The following DNAI1 variants were observed in gnomAD, a reference collection of about 807,000 sequenced individuals.
The protein encoded by DNAI1 is dynein axonemal intermediate chain 1.
Under a neutral mutation model 92.0 loss-of-function variants are expected in DNAI1, and 67 were observed. The ratio of observed to expected loss-of-function variants is 0.73; its 90% CI spans 0.60 to 0.89. DNAI1 has a LOEUF of 0.89. DNAI1 is among the 40% of genes least tolerant of loss of function. The pLI, the probability that DNAI1 is intolerant of heterozygous loss-of-function variation, is 0.00. For missense variants in DNAI1, 839 were observed against 866.6 expected (o/e 0.97, Z 0.40); for synonymous variants, 323 against 319.6 (o/e 1.01, Z -0.11).
intron 15 of DNAI1, among the ~76,000 whole-genome samples, 200 bp from the exon 16 acceptor site, chr9:34,512,912 T>C (rs1357696817): frequency 6.6e-6 from 1 of 152,202 alleles, no homozygotes; most frequent in East Asian, 1.9e-4. Flanking sequence ...GAATCCTAAC[T>C]GCCTGGGACA....
intron 1 of DNAI1, among the ~76,000 whole-genome samples, chr9:34,480,450 G>C (rs1331446424): frequency 1.3e-5 from 2 of 151,562 alleles, no homozygotes; most frequent in African/African-American, 2.4e-5. Context: ...GCTAATTTTT[G>C]TATTTTTAGT....
intron 8 of DNAI1, among the ~76,000 whole-genome samples, 200 bp downstream of exon 8, chr9:34,491,754 T>C (rs766693897): frequency 5.3e-5 from 8 of 152,194 alleles, no homozygotes; most frequent in Non-Finnish European, 1.2e-4. Flanking sequence ...TCCAGTGAGC[T>C]GTGGGCCAGC....
chr9:34,514,534 C>T lies in DNAI1; in HGVS notation c.1710C>T (p.His570=), dbSNP rs746472041. The T allele has an allele frequency of 1.2e-6, 2 of 1,614,138 alleles. No individual in the cohort carries two copies. Among genetic ancestry groups the T allele is most frequent in the African/African-American group, 2.7e-5 (2 of 74,948 alleles). Residue 570 remains histidine, a synonymous_variant, in exon 17 of 20, where the codon CAC becomes CAT. Transcript: ENST00000242317. ...SSDWTVKIWD[H]TIKTPMFIYD... is the part of the protein sequence containing the mutation. Reference sequence around the variant, plus strand: ...ACTGGACAGTGAAGATCTGGGACCACACCATCAAGTGAGGGGCCTGTTCCT... The same window carrying T: ...ACTGGACAGTGAAGATCTGGGACCATACCATCAAGTGAGGGGCCTGTTCCT...
At chr9:34,485,398 G>C in intron 3 of DNAI1, 39 bp from the exon 4 acceptor site, 1 of 1,609,768 alleles carries the variant, frequency 6.2e-7, no homozygotes, top group South Asian at 1.1e-5. Flanking sequence ...GGGTTGGGGG[G>C]TCTTCATGTA....
intron 1 of DNAI1, among the ~76,000 whole-genome samples, chr9:34,463,995 T>C (rs1823993854): frequency 6.6e-6 from 1 of 152,222 alleles, no homozygotes; most frequent in Non-Finnish European, 1.5e-5. Flanking sequence ...GCTTCACTCC[T>C]GTGACCTCAG....
chr9:34,479,053 G>A (rs777251652), intron 1 of DNAI1: 2 of 152,378 alleles, frequency 1.3e-5, no homozygotes, highest in African/African-American at 2.4e-5. Context: ...GTTTTGTTAG[G>A]CAGAGATAGT....
At chr9:34,518,469 G>A (rs575333280) in intron 19 of DNAI1, among the ~76,000 whole-genome samples, 1 of 152,298 alleles carries the variant, frequency 6.6e-6, no homozygotes, top group South Asian at 2.1e-4. Flanking sequence ...GGGTGGACTT[G>A]GCTATAAATA....
In DNAI1 at chr9:34,490,417, A is replaced by G. The variant is rs1236356655; in HGVS notation, c.550A>G (p.Lys184Glu). ...AGAATTGATGACTCCTAAGCAGCCC[A>G]AGGAGAGAAAGCTCACTAACCAGTT... ...EEELMTPKQPKERKLTNQFNF... is the reference protein window; with the variant it reads ...EEELMTPKQPEERKLTNQFNF... The change falls in exon 7 of 20, where the codon AAG becomes GAG. Residue 184 changes from lysine (K) to glutamate (E), a missense_variant. Lys to Glu is a moderately conservative substitution (Grantham distance 56, BLOSUM62 1). Coordinates refer to ENST00000242317, the MANE Select transcript of DNAI1 (RefSeq NM_012144.4). The G allele has an allele frequency of 6.2e-6, 10 of 1,614,092 alleles. No individual in the cohort carries two copies. In the Admixed American group the frequency reaches 1.5e-4, roughly 24 times the overall value.
rs1406005009 is a variant in DNAI1 at position 34,490,480 on chromosome 9, C to T, written c.613C>T (p.Pro205Ser). ...SERASQTYNNPVRDRECQTEP... is the reference protein window; with the variant it reads ...SERASQTYNNSVRDRECQTEP... ...GAGGGCCTCACAGACCTACAACAAC[C>T]CTGTCCGGGTAGAGCAGCCCCCACC... The change falls in exon 7 of 20, where the codon CCT (proline) becomes TCT (serine). Residue 205 changes from proline to serine, a missense_variant. Pro to Ser is a moderately conservative substitution (Grantham distance 74, BLOSUM62 -1). Coordinates refer to ENST00000242317, the MANE Select transcript of DNAI1 (RefSeq NM_012144.4). 3 of 1,614,160 alleles carry T rather than the reference C, an allele frequency of 1.9e-6. No individual in the cohort carries two copies. Among genetic ancestry groups the T allele is most frequent in the Non-Finnish European group, 2.5e-6 (3 of 1,180,044 alleles).
intron 15 of DNAI1, among the ~76,000 whole-genome samples, 164 bp from the exon 16 acceptor site, chr9:34,512,948 T>A (rs1825096496): frequency 6.6e-6 from 1 of 152,230 alleles, no homozygotes; most frequent in Non-Finnish European, 1.5e-5. Flanking sequence ...TGGTTTCTGT[T>A]TGCCTGGCCT....
chr9:34,481,123 C>T (rs544614883), intron 1 of DNAI1, among the ~76,000 whole-genome samples: 3 of 151,504 alleles, frequency 2.0e-5, no homozygotes, highest in Admixed American at 1.3e-4. Flanking sequence ...CGCCTGTAAC[C>T]GGGAGGCTAC....
intron 1 of DNAI1, among the ~76,000 whole-genome samples, chr9:34,466,970 G>T (rs1824049568): frequency 6.6e-6 from 1 of 152,194 alleles, no homozygotes; most frequent in Non-Finnish European, 1.5e-5. Flanking sequence ...GAGGGAATCT[G>T]ATTGACCCTA....
In DNAI1 at chr9:34,490,116, G is replaced by A. The variant is rs1324544036; in HGVS notation, c.493G>A (p.Ala165Thr). ...GCCTGGGAGTCAAACAGATGTGCCT[G>A]CAGCTGGGGTACAGTATAATATCGC... ...TEPGSQTDVP[A>T]AGAAEKVTEE... The change falls in exon 6 of 20, where the codon GCA (alanine) becomes ACA (threonine). Residue 165 changes from alanine (A) to threonine (T), a missense_variant. Transcript: ENST00000242317. 4 of 1,614,048 alleles carry A rather than the reference G, an allele frequency of 2.5e-6. No homozygotes were observed. The highest frequency in any genetic ancestry group is 4.5e-5 in the East Asian group (2 of 44,882).
At chr9:34,499,527 T>A (rs984625119) in intron 10 of DNAI1, among the ~76,000 whole-genome samples, 1 of 152,112 alleles carries the variant, frequency 6.6e-6, no homozygotes, top group Admixed American at 6.5e-5. Context: ...CCAGATATTG[T>A]CTGGTGGGGG....
intron 1 of DNAI1, among the ~76,000 whole-genome samples, chr9:34,477,183 T>G (rs908788392): frequency 3.3e-5 from 5 of 152,068 alleles, no homozygotes; most frequent in African/African-American, 1.2e-4. Context: ...ACCCAACTAA[T>G]TAAAAAAAAT....
intron 1 of DNAI1, among the ~76,000 whole-genome samples, chr9:34,460,578 G>GGGCTTTATGTTGAAGTTC (rs1554682273): frequency 2.6e-5 from 4 of 152,036 alleles, no homozygotes; most frequent in South Asian, 2.1e-4. Context: ...TGTTGGGGTT[G>GGGCTTTATGTTGAAGTTC]GGCTTTACGT....
intron 4 of DNAI1, chr9:34,488,053 T>C: frequency 2.5e-6 from 1 of 392,922 alleles, no homozygotes; most frequent in Non-Finnish European, 5.0e-6. Context: ...GGGTAATTTA[T>C]TCCTTGGGAA....
intron 1 of DNAI1, among the ~76,000 whole-genome samples, chr9:34,470,448 A>G (rs117135229): frequency 0.011 from 1,718 of 152,354 alleles, 17 homozygotes; most frequent in Non-Finnish European, 0.018. Flanking sequence ...AGCATAAGAA[A>G]TCTGTATGAG....
At chr9:34,488,815 C>T (rs932582963) in intron 4 of DNAI1, among the ~76,000 whole-genome samples, 24 of 152,214 alleles carry the variant, frequency 1.6e-4, no homozygotes, top group African/African-American at 5.1e-4. Context: ...CTGTGTGACC[C>T]GGACAAATGC....
Sources: allele counts gnomAD v4.1 joint callset (sites outside exome capture counted in the v4.1 genomes callset), GRCh38; gene constraint gnomAD v4.1.1; transcripts MANE v1.5; gene names NCBI Gene and HGNC (gene_info 2026-07-23, HGNC 2026-07-21).